Variants in FBXL18 observed in about 807,000 individuals in gnomAD.
FBXL18 encodes the protein F-box/LRR-repeat protein 18.
Under a neutral mutation model 46.0 loss-of-function variants are expected in FBXL18, and 36 were observed. The ratio of observed to expected loss-of-function variants is 0.78; its 90% CI spans 0.60 to 1.03. The LOEUF is 1.03. FBXL18 is among the 50% of genes least tolerant of loss of function. FBXL18 has a pLI of 0.00. For synonymous variants in FBXL18, 557 were observed against 465.3 expected, an observed-to-expected ratio of 1.20 and a Z score of -2.54; for missense variants, 977 against 1,004.1, an observed-to-expected ratio of 0.97 and a Z score of 0.36.
Position 5,476,213 on chromosome 7 carries a change from G to A in FBXL18, c.*5562C>T, listed in dbSNP as rs551137313. The A allele has an allele frequency of 9.9e-5, 15 of 152,252 alleles. No individual in the cohort carries two copies. The South Asian group carries it at 2.1e-3, about 21-fold the overall frequency. 9.4% of individuals were successfully genotyped at this position (152,252 alleles called of 1,614,324 possible). ...ACATGCTTGCCCATGAACACCCCCCGGGCACACACACACCCTTGCACACTC... is the reference window on the plus strand; with the variant it reads ...ACATGCTTGCCCATGAACACCCCCCAGGCACACACACACCCTTGCACACTC... On this transcript the variant is annotated 3_prime_UTR_variant, in exon 5 of 5. Transcript: ENST00000382368.
rs760770212 is a variant in FBXL18, at chr7:5,501,866, G to A, written c.403C>T (p.Arg135Cys). Residue 135 changes from arginine (R) to cysteine (C), a missense_variant, in exon 3 of 5, where the codon CGC (arginine) becomes TGC (cysteine). Coordinates refer to ENST00000382368, the MANE Select transcript of FBXL18 (RefSeq NM_024963.6). ...NLSGCHLTSL[R>C]LSKMLSALQH... is the part of the protein sequence containing the mutation. ...AGGGCCGAGAGCATCTTGGAGAGGC[G>A]CAGGGAAGTGAGGTGGCAGCCCGAG... The A allele has an allele frequency of 8.1e-6, 13 of 1,602,140 alleles. No individual in the cohort carries two copies. Among genetic ancestry groups the A allele is most frequent in the South Asian group, 2.3e-5 (2 of 88,620 alleles).
chr7:5,491,336 G>T lies in FBXL18; in HGVS notation c.1895C>A (p.Ala632Asp). 1 of 1,611,588 alleles carries T rather than the reference G, an allele frequency of 6.2e-7. No individual in the cohort carries two copies. Residue 632 changes from alanine (A) to aspartate (D), a missense_variant, in exon 4 of 5, where the codon GCC becomes GAC. Physicochemically the swap from Ala to Asp is moderately radical, Grantham distance 126. Coordinates refer to ENST00000382368, the MANE Select transcript of FBXL18 (RefSeq NM_024963.6). ...GCAGCGAGCCATGAAGGCCAGCACG[G>T]CATCGGGCTGGAGGGTGCCGCTGCG... ...VSRSGTLQPD[A>D]VLAFMARCLQ...
chr7:5,492,991 A>C (rs979088016), intron 3 of FBXL18, among the ~76,000 whole-genome samples: 1 of 152,182 alleles, frequency 6.6e-6, no homozygotes, highest in African/African-American at 2.4e-5. Context: ...GGGCAGCCAC[A>C]GCAGAAGGCG....
In FBXL18 at chr7:5,455,667, G is replaced by A. The variant is rs575757489; in HGVS notation, c.2001-7824C>T. Among the ~76,000 whole-genome samples, 1 of 152,040 alleles carries A rather than the reference G, an allele frequency of 6.6e-6. No homozygotes were observed. Among genetic ancestry groups the A allele is most frequent in the Non-Finnish European group, 1.5e-5 (1 of 68,000 alleles). ...TGACCATCCACTTCCCCGCAGGGGGGCTCAAACCCAGGCTGTGAATTCGGG... is the reference window on the plus strand; with the variant it reads ...TGACCATCCACTTCCCCGCAGGGGGACTCAAACCCAGGCTGTGAATTCGGG... On this transcript the variant is annotated intron_variant and NMD_transcript_variant, in intron 4 of 6. Transcript: ENST00000415009. The surrounding 1 kb of genome is among the most constrained non-coding windows in gnomAD (Gnocchi z 4.6).
intron 4 of FBXL18, among the ~76,000 whole-genome samples, chr7:5,486,931 G>A (rs1024179627): frequency 2.0e-5 from 3 of 152,226 alleles, no homozygotes; most frequent in Non-Finnish European, 2.9e-5. Context: ...AAATCCTCCA[G>A]GCAGGAAAAA....
chr7:5,486,565 A>G (rs1448141380), intron 4 of FBXL18, among the ~76,000 whole-genome samples: 1 of 152,008 alleles, frequency 6.6e-6, no homozygotes, highest in East Asian at 1.9e-4. Context: ...AAGCAGGAGG[A>G]TCACTTGAGT....
In FBXL18 at chr7:5,505,576, C is replaced by T. The variant is rs200134875; in HGVS notation, c.73G>A (p.Gly25Arg). Residue 25 changes from glycine to arginine, a missense_variant, in exon 2 of 5, where the codon GGG becomes AGG. Coordinates refer to ENST00000382368, the MANE Select transcript of FBXL18 (RefSeq NM_024963.6). ...TCAGAGAACCCTAGGAGGTGGACCCCGTCTGCCATCCCGGCTGCTGCAGGG... is the reference window on the plus strand; with the variant it reads ...TCAGAGAACCCTAGGAGGTGGACCCTGTCTGCCATCCCGGCTGCTGCAGGG... ...MHPAAAGMAD[G>R]VHLLGFSDEI... 64 of 1,613,886 alleles carry T rather than the reference C, an allele frequency of 4.0e-5. No homozygotes were observed. Among genetic ancestry groups the T allele is most frequent in the Admixed American group, 1.7e-4 (10 of 59,954 alleles).
At chr7:5,487,675 G>C (rs1783809368) in intron 4 of FBXL18, among the ~76,000 whole-genome samples, 1 of 152,244 alleles carries the variant, frequency 6.6e-6, no homozygotes, top group African/African-American at 2.4e-5. Flanking sequence ...TTGAACAAGA[G>C]GCAAGATGCA....
chr7:5,465,819 A>AT (rs763542928), intron 4 of FBXL18, among the ~76,000 whole-genome samples: 18,197 of 142,040 alleles, frequency 0.13, 2,082 homozygotes, highest in African/African-American at 0.31. Context: ...TACCTCCTAA[A>AT]TTTTTTTTTT....
At chr7:5,508,173 G>A (rs1784439710) in intron 1 of FBXL18, among the ~76,000 whole-genome samples, 1 of 151,602 alleles carries the variant, frequency 6.6e-6, no homozygotes. Flanking sequence ...GGCCAAGGCA[G>A]AAGAATCACT....
intron 4 of FBXL18, among the ~76,000 whole-genome samples, chr7:5,456,397 C>T (rs906907345): frequency 6.6e-6 from 1 of 152,232 alleles, no homozygotes; most frequent in African/African-American, 2.4e-5. Flanking sequence ...ATCTCAAACT[C>T]ATCACGATGT....
At chr7:5,487,651 G>A (rs746559021) in intron 4 of FBXL18, among the ~76,000 whole-genome samples, 9 of 152,236 alleles carry the variant, frequency 5.9e-5, no homozygotes, top group Non-Finnish European at 1.3e-4. Flanking sequence ...GACCTCACAG[G>A]GCTTCTGTGA....
rs1291068162 is a variant in FBXL18, at chr7:5,455,282, T to C, written c.2001-7439A>G. Among the ~76,000 whole-genome samples, 1 of 151,964 alleles carries C rather than the reference T, an allele frequency of 6.6e-6. No homozygotes were observed. Among genetic ancestry groups the C allele is most frequent in the African/African-American group, 2.4e-5 (1 of 41,382 alleles). On this transcript the variant is annotated intron_variant and NMD_transcript_variant, in intron 4 of 6. Transcript: ENST00000415009. This position sits in a 1 kb window ranked among gnomAD's most constrained non-coding sequence, Gnocchi z 4.6. ...TCTGGGGAGCAGTATCGGGAGCACC[T>C]GCAGGGAGTATTCTCGGGCATATGC...
downstream of FBXL18, among the ~76,000 whole-genome samples, chr7:5,471,761 G>T (rs1783431421): frequency 6.6e-6 from 1 of 152,202 alleles, no homozygotes; most frequent in Admixed American, 6.5e-5. Context: ...ACAGACCCCT[G>T]ACCTTTTCAG....
At chr7:5,457,036 T>A (rs1467211565) in intron 4 of FBXL18, among the ~76,000 whole-genome samples, 3 of 152,232 alleles carry the variant, frequency 2.0e-5, no homozygotes, top group Non-Finnish European at 4.4e-5. Flanking sequence ...AGTGCTGGGA[T>A]TACAGACGTG....
intron 4 of FBXL18, among the ~76,000 whole-genome samples, chr7:5,465,819 A>T (rs1157738050): frequency 2.8e-5 from 4 of 142,216 alleles, no homozygotes; most frequent in Admixed American, 7.1e-5. Flanking sequence ...TACCTCCTAA[A>T]TTTTTTTTTT....
chr7:5,482,249 C>T (rs933931560), intron 4 of FBXL18, among the ~76,000 whole-genome samples: 3 of 152,182 alleles, frequency 2.0e-5, no homozygotes, highest in African/African-American at 7.2e-5. Flanking sequence ...TGCTGCTGGG[C>T]CCCAGGGCAG....
downstream of FBXL18, among the ~76,000 whole-genome samples, chr7:5,471,227 C>G (rs1783422049): frequency 6.6e-6 from 1 of 152,220 alleles, no homozygotes; most frequent in Non-Finnish European, 1.5e-5. Context: ...GCCTCTCGAG[C>G]TGGCTCTTCC....
chr7:5,468,494 C>T (rs1158294840), intron 4 of FBXL18, among the ~76,000 whole-genome samples: 1 of 152,298 alleles, frequency 6.6e-6, no homozygotes, highest in Middle Eastern at 3.4e-3. Flanking sequence ...CACTGCCAGG[C>T]GGGTGAGAAC....
Sources: gnomAD v4.1 joint callset for allele counts (sites outside exome capture counted in the v4.1 genomes callset) on GRCh38, gnomAD v4.1.1 for gene constraint, Gnocchi (gnomAD v3.1) non-coding constraint, MANE v1.5 for transcripts, NCBI Gene and HGNC (gene_info 2026-07-23, HGNC 2026-07-21) for gene names.